DAB1: variants seen among roughly 807,000 people sequenced by gnomAD.
DAB1 encodes DAB adaptor protein 1, also known as disabled homolog 1.
A neutral mutation model predicts 64.6 loss-of-function variants in DAB1; 15 were observed. The observed-to-expected ratio is 0.23, with a 90% CI of 0.16 to 0.36. The LOEUF is 0.36. Ranked by LOEUF, DAB1 falls within the 10% of genes least tolerant of loss-of-function variation. The pLI is 1.00. For synonymous variants in DAB1, 235 were observed against 251.9 expected (o/e 0.93, Z 0.64); for missense variants, 596 against 706.7 (o/e 0.84, Z 1.78).
intron 9 of DAB1, among the ~76,000 whole-genome samples, chr1:57,056,883 C>T (rs546932224): frequency 6.6e-5 from 10 of 151,438 alleles, no homozygotes; most frequent in South Asian, 2.1e-4. Context: ...AAAAAAAGTT[C>T]GGTAGAAATA....
chr1:57,737,607 CA>C (rs1647759104), intron 6 of DAB1, among the ~76,000 whole-genome samples: 2 of 152,110 alleles, frequency 1.3e-5, no homozygotes, highest in Admixed American at 1.3e-4. Context: ...TCATGGGATA[CA>C]ATAGTGAGCA....
chr1:58,356,284 C>T (rs1644110638), intron 3 of DAB1, among the ~76,000 whole-genome samples: 1 of 152,176 alleles, frequency 6.6e-6, no homozygotes, highest in Non-Finnish European at 1.5e-5. Context: ...TGTATATTAT[C>T]TAAAATCAGC....
intron 2 of DAB1, among the ~76,000 whole-genome samples, chr1:57,228,959 G>A (rs1667470232): frequency 1.3e-5 from 2 of 152,114 alleles, no homozygotes; most frequent in African/African-American, 4.8e-5. Flanking sequence ...CACAGAAAAT[G>A]TTGAGCCAAA....
intron 6 of DAB1, among the ~76,000 whole-genome samples, chr1:57,765,095 A>G (rs1391267537): frequency 1.3e-5 from 2 of 152,194 alleles, no homozygotes; most frequent in Non-Finnish European, 2.9e-5. Flanking sequence ...TGTTCACAGC[A>G]CCACAGCAGA....
At chr1:58,222,630 T>C (rs1659236163) in intron 4 of DAB1, among the ~76,000 whole-genome samples, 1 of 152,212 alleles carries the variant, frequency 6.6e-6, no homozygotes, top group Non-Finnish European at 1.5e-5. Context: ...TTCAGAGAAG[T>C]GACGTGACTT....
chr1:57,531,873 T>TA (rs1430877986), intron 7 of DAB1, among the ~76,000 whole-genome samples: 1 of 152,132 alleles, frequency 6.6e-6, no homozygotes, highest in African/African-American at 2.4e-5. Context: ...TGGGAAGAGA[T>TA]ATGCAATAGT....
At chr1:58,068,508 G>A (rs1649001353) in intron 5 of DAB1, among the ~76,000 whole-genome samples, 1 of 152,150 alleles carries the variant, frequency 6.6e-6, no homozygotes, top group Non-Finnish European at 1.5e-5. Flanking sequence ...GCTCACGCCT[G>A]TAATCCCAGC....
At chr1:58,520,899 G>A (rs1002583200) in intron 2 of DAB1, among the ~76,000 whole-genome samples, 8 of 151,586 alleles carry the variant, frequency 5.3e-5, no homozygotes, top group Admixed American at 5.3e-4. Flanking sequence ...ACAAAAAAAA[G>A]GAAAAAAAAT....
At position 57,302,792 on chromosome 1, in the gene DAB1, T is replaced by C. The variant is rs559891566; in HGVS notation, c.-136-11626A>G. On this transcript the variant is annotated intron_variant, in intron 1 of 14. Transcript: ENST00000371236. ...CTTGGCACAAGGAGATTTAAAAGCT[T>C]CCCAGGTGATTCTAAAATGCAGCCA... 4.6e-5 allele frequency among the ~76,000 whole-genome samples: 7 copies of C among 152,130 alleles called. No homozygotes were observed. In the South Asian group the frequency reaches 1.5e-3, roughly 32 times the overall value.
At position 58,437,168 on chromosome 1, in the gene DAB1, C is replaced by T. The variant is rs1053260997; in HGVS notation, n.257+68892G>A. On this transcript the variant is annotated intron_variant and non_coding_transcript_variant, in intron 3 of 20. Coordinates refer to the DAB1 transcript ENST00000485760. The stretch of plus-strand genomic sequence containing the variant: ...GTCAAATGTGAATGTGCCTAAGAGC[C>T]GCCTGGAGAGCTGGTTAATGATTCA... Among the ~76,000 whole-genome samples, 5 of 152,274 alleles carry T rather than the reference C, an allele frequency of 3.3e-5. No homozygotes were observed. The East Asian group carries it at 5.8e-4, about 18-fold the overall frequency.
At chr1:57,585,463 C>T (rs533434760) in intron 7 of DAB1, among the ~76,000 whole-genome samples, 3 of 152,194 alleles carry the variant, frequency 2.0e-5, no homozygotes, top group Admixed American at 6.5e-5. Context: ...AAATTAGAGG[C>T]TCTTGGCAAC....
At position 57,344,617 on chromosome 1, in the gene DAB1, C is replaced by T. The variant is rs567029839; in HGVS notation, c.-136-53451G>A. Reference sequence around the variant, plus strand: ...ATCGAGGCGAAGGTTATAGAGGTTTCGGCAAAAACAAGCAGAAGCAGTATA... The same window carrying T: ...ATCGAGGCGAAGGTTATAGAGGTTTTGGCAAAAACAAGCAGAAGCAGTATA... On this transcript the variant is annotated intron_variant, in intron 1 of 14. Transcript: ENST00000371236. Among the ~76,000 whole-genome samples, 9 of 151,944 alleles carry T rather than the reference C, an allele frequency of 5.9e-5. No homozygotes were observed. The South Asian group carries it at 1.0e-3, about 18-fold the overall frequency.
At chr1:58,291,539 G>C (rs961047710) in intron 4 of DAB1, among the ~76,000 whole-genome samples, 1 of 152,186 alleles carries the variant, frequency 6.6e-6, no homozygotes, top group Non-Finnish European at 1.5e-5. Flanking sequence ...TGAGAACAGA[G>C]AAATTTTCTC....
rs753024437 is a variant in DAB1 at position 58,530,560 on chromosome 1, C to T, written n.33-3225G>A. 2.0e-5 allele frequency: 17 copies of T among 835,328 alleles called. No individual in the cohort carries two copies. In the East Asian group the frequency reaches 4.1e-4, roughly 20 times the overall value. The allele number at this position is 835,328 out of a possible 1,614,324, so 51.7% of individuals were successfully genotyped here. A position where few individuals can be genotyped will look rare whatever the true frequency, so the allele number is the denominator to read the frequency against. On this transcript the variant is annotated intron_variant and non_coding_transcript_variant, in intron 1 of 20. Transcript: ENST00000485760. Reference sequence around the variant, plus strand: ...TTACAGTAGTATTAAAATATCTTCACCAGAGGCTATGATCAATTCAAGTTA... The same window carrying T: ...TTACAGTAGTATTAAAATATCTTCATCAGAGGCTATGATCAATTCAAGTTA...
intron 3 of DAB1, among the ~76,000 whole-genome samples, chr1:58,445,558 C>T (rs12140561): frequency 5.3e-5 from 8 of 152,310 alleles, no homozygotes; most frequent in Non-Finnish European, 8.8e-5. Flanking sequence ...TGATTTACAC[C>T]TCCCATGTGA....
chr1:57,208,934 G>A (rs931411713), intron 2 of DAB1, among the ~76,000 whole-genome samples: 1 of 152,192 alleles, frequency 6.6e-6, no homozygotes, highest in Admixed American at 6.5e-5. Flanking sequence ...AAGGAATTTG[G>A]ACTCTATTGT....
At chr1:58,197,766 C>A (rs1657769316) in intron 4 of DAB1, among the ~76,000 whole-genome samples, 1 of 149,774 alleles carries the variant, frequency 6.7e-6, no homozygotes, top group Admixed American at 6.7e-5. Flanking sequence ...AAGACCCTAG[C>A]AAAATTCAAA....
chr1:57,717,969 G>C (rs1010877717), intron 6 of DAB1, among the ~76,000 whole-genome samples: 3 of 152,100 alleles, frequency 2.0e-5, no homozygotes, highest in Non-Finnish European at 2.9e-5. Flanking sequence ...GTGTAGTGGA[G>C]ACCAGGAGAG....
At chr1:57,995,975 T>C (rs1202656649) in intron 5 of DAB1, among the ~76,000 whole-genome samples, 2 of 152,120 alleles carry the variant, frequency 1.3e-5, no homozygotes, top group Non-Finnish European at 2.9e-5. Flanking sequence ...AAAATGAGGA[T>C]AGTCTGGGCG....
Sources: gnomAD v4.1 joint callset for allele counts (sites outside exome capture counted in the v4.1 genomes callset) on GRCh38, gnomAD v4.1.1 for gene constraint, MANE v1.5 for transcripts, NCBI Gene and HGNC (gene_info 2026-07-23, HGNC 2026-07-21) for gene names.